Variants in TBXAS1 observed in about 807,000 individuals in gnomAD.
TBXAS1 encodes the protein thromboxane A synthase 1.
Under a neutral mutation model 60.7 loss-of-function variants are expected in TBXAS1, and 48 were observed. The ratio of observed to expected loss-of-function variants is 0.79; its 90% CI spans 0.63 to 1.01. The LOEUF (loss-of-function observed/expected upper bound fraction) is 1.01, where lower values mean the gene tolerates loss of function less well. Ranked by LOEUF, TBXAS1 falls within the 50% of genes least tolerant of loss-of-function variation. The pLI, the probability that TBXAS1 is intolerant of heterozygous loss-of-function variation, is 0.00. For synonymous variants in TBXAS1, 287 were observed against 269.7 expected, an observed-to-expected ratio of 1.06 and a Z score of -0.63; for missense variants, 685 against 686.3, an observed-to-expected ratio of 1.00 and a Z score of 0.02.
intron 9 of TBXAS1, among the ~76,000 whole-genome samples, chr7:139,979,281 T>C (rs1180027116): frequency 6.6e-6 from 1 of 152,176 alleles, no homozygotes; most frequent in Non-Finnish European, 1.5e-5. Flanking sequence ...ACTAAATCCC[T>C]AACGACATTA....
At chr7:139,866,992 G>A (rs79234278) in intron 1 of TBXAS1, among the ~76,000 whole-genome samples, 5,745 of 152,236 alleles carry the variant, frequency 0.038, 326 homozygotes, top group African/African-American at 0.13. Flanking sequence ...AAAACGTTTT[G>A]AAAAGGCAAT....
At chr7:140,018,765 A>G (rs557131567) in intron 12 of TBXAS1, among the ~76,000 whole-genome samples, 6 of 152,348 alleles carry the variant, frequency 3.9e-5, no homozygotes, top group African/African-American at 1.4e-4. Context: ...GCAGGGACCC[A>G]GTCTGTCATA....
At position 140,006,737 on chromosome 7, in the gene TBXAS1, C is replaced by T. The variant is rs138752701; in HGVS notation, c.1135-354C>T. On this transcript the variant is annotated intron_variant, in intron 9 of 12. Transcript: ENST00000448866. ...ATCTAAGAGATGGGGAAACAGTCAC[C>T]ACACTGGCTTAGTGGAGCATCAAAT... Among the ~76,000 whole-genome samples, 293 of 152,244 alleles carry T rather than the reference C, an allele frequency of 1.9e-3. 2 individuals carry two copies. Among genetic ancestry groups the T allele is most frequent in the African/African-American group, 6.8e-3 (282 of 41,538 alleles).
intron 1 of TBXAS1, among the ~76,000 whole-genome samples, chr7:139,834,211 A>G (rs557124931): frequency 1.3e-5 from 2 of 152,364 alleles, no homozygotes; most frequent in Middle Eastern, 6.8e-3. Context: ...CTTCTGAATG[A>G]GCATTGGGTA....
At chr7:139,808,458 C>T (rs1246755196) in intron 4 of TBXAS1, among the ~76,000 whole-genome samples, 1 of 152,058 alleles carries the variant, frequency 6.6e-6, no homozygotes, top group Non-Finnish European at 1.5e-5. Context: ...GTATTTATAA[C>T]CTTTATTTTT....
At chr7:139,951,841 A>AGG (rs1569518326) in intron 5 of TBXAS1, among the ~76,000 whole-genome samples, 14 of 22,208 alleles carry the variant, frequency 6.3e-4, no homozygotes, top group Non-Finnish European at 9.7e-4. Flanking sequence ...GAAAGAAAGA[A>AGG]AGAAGGAAGG....
intron 4 of TBXAS1, among the ~76,000 whole-genome samples, chr7:139,921,044 A>G (rs745949995): frequency 6.6e-6 from 1 of 152,248 alleles, no homozygotes; most frequent in Non-Finnish European, 1.5e-5. Context: ...GTGTTCATCC[A>G]GCATTCAAGT....
At chr7:139,849,250 G>C (rs1800033363) in intron 1 of TBXAS1, among the ~76,000 whole-genome samples, 1 of 152,036 alleles carries the variant, frequency 6.6e-6, no homozygotes, top group African/African-American at 2.4e-5. Flanking sequence ...GCGGTGACAT[G>C]CATCTGTGGT....
At chr7:139,874,295 G>T (rs1166883337) in intron 2 of TBXAS1, among the ~76,000 whole-genome samples, 1 of 152,080 alleles carries the variant, frequency 6.6e-6, no homozygotes, top group African/African-American at 2.4e-5. Context: ...ACACATTTCT[G>T]GGGGGAAATG....
intron 5 of TBXAS1, among the ~76,000 whole-genome samples, chr7:139,937,889 A>T (rs1195021456): frequency 8.0e-6 from 1 of 125,530 alleles, no homozygotes; most frequent in Non-Finnish European, 1.6e-5. Flanking sequence ...GGATGCAGGA[A>T]GGGGAAGTGT....
intron 1 of TBXAS1, among the ~76,000 whole-genome samples, chr7:139,854,816 C>G (rs1373544494): frequency 6.6e-6 from 1 of 152,158 alleles, no homozygotes; most frequent in African/African-American, 2.4e-5. Context: ...TTCCCCAAGT[C>G]CAAGGTAAAC....
At chr7:139,953,345 A>G in intron 5 of TBXAS1, 23 bp from the exon 6 acceptor site, 3 of 1,601,650 alleles carry the variant, frequency 1.9e-6, no homozygotes, top group Non-Finnish European at 2.6e-6. Flanking sequence ...TGCCCTAATT[A>G]CACCTTTGTT....
At position 140,004,668 on chromosome 7, in the gene TBXAS1, A is replaced by C. The variant is rs574824558; in HGVS notation, c.1135-2423A>C. Among the ~76,000 whole-genome samples the C allele has an allele frequency of 5.9e-5, 9 of 152,324 alleles. No individual in the cohort carries two copies. Among genetic ancestry groups the C allele is most frequent in the Admixed American group, 2.0e-4 (3 of 15,306 alleles). ...GCATCCAAGGGCCCTGTCAGCCACC[A>C]GACACATGCACTGAGACCCAGCCAG... On this transcript the variant is annotated intron_variant, in intron 9 of 12. Transcript: ENST00000448866. The surrounding 1 kb of genome is among the most constrained non-coding windows in gnomAD (Gnocchi z 5.1).
At chr7:139,868,216 G>A (rs1052450918) in intron 1 of TBXAS1, among the ~76,000 whole-genome samples, 9 of 152,120 alleles carry the variant, frequency 5.9e-5, no homozygotes, top group African/African-American at 1.2e-4. Flanking sequence ...TGATCATTGC[G>A]TATTACCTGC....
At chr7:139,880,446 G>A (rs1802612233) in intron 3 of TBXAS1, among the ~76,000 whole-genome samples, 1 of 152,164 alleles carries the variant, frequency 6.6e-6, no homozygotes, top group Admixed American at 6.6e-5. Context: ...AGGTAAGCAT[G>A]AACTTTGTAC....
At chr7:139,941,742 C>T (rs1454931176) in intron 5 of TBXAS1, among the ~76,000 whole-genome samples, 1 of 152,170 alleles carries the variant, frequency 6.6e-6, no homozygotes, top group Non-Finnish European at 1.5e-5. Context: ...CAGTCTTTTG[C>T]TAGATTCTTT....
rs574000340 is a variant in TBXAS1, at chr7:139,955,397, G to T, written c.540-62G>T. The T allele has an allele frequency of 3.2e-5, 52 of 1,608,904 alleles. 1 individual carries two copies. The South Asian group carries it at 5.3e-4, about 16-fold the overall frequency. Reference sequence around the variant, plus strand: ...AATTCAGGCCCTCCTCCTCTGGAGGGGGCCATTGTGGGTAGCCCCTGCCAG... The same window carrying T: ...AATTCAGGCCCTCCTCCTCTGGAGGTGGCCATTGTGGGTAGCCCCTGCCAG... On this transcript the variant is annotated intron_variant, in intron 6 of 12. Transcript: ENST00000448866.
chr7:139,849,296 T>C (rs1456130690), intron 1 of TBXAS1, among the ~76,000 whole-genome samples: 1 of 152,032 alleles, frequency 6.6e-6, no homozygotes, highest in Non-Finnish European at 1.5e-5. Flanking sequence ...AGAGGATCAG[T>C]TGAGCCCAGG....
Position 139,896,943 on chromosome 7 carries a change from G to A in TBXAS1, c.237-14282G>A, listed in dbSNP as rs563377589. On this transcript the variant is annotated intron_variant, in intron 3 of 12. Transcript: ENST00000448866. The surrounding 1 kb of genome is among the most constrained non-coding windows in gnomAD (Gnocchi z 4.0). ...TTTTACAAAGGTGATTGGCCTTGGCGGGAGGGTTGGTTTGGAGACAGAGAG... is the reference window on the plus strand; with the variant it reads ...TTTTACAAAGGTGATTGGCCTTGGCAGGAGGGTTGGTTTGGAGACAGAGAG... 2.2e-4 allele frequency among the ~76,000 whole-genome samples: 33 copies of A among 152,274 alleles called. No homozygotes were observed. Among genetic ancestry groups the A allele is most frequent in the African/African-American group, 7.0e-4 (29 of 41,552 alleles).
Sources: allele counts gnomAD v4.1 joint callset (sites outside exome capture counted in the v4.1 genomes callset), GRCh38; gene constraint gnomAD v4.1.1; non-coding constraint Gnocchi (gnomAD v3.1); transcripts MANE v1.5; gene names NCBI Gene and HGNC (gene_info 2026-07-23, HGNC 2026-07-21).